Variants in SYNJ1 observed in about 807,000 individuals in gnomAD.
The protein encoded by SYNJ1 is polyphosphatidylinositol phosphatase SYNJ1.
Under a neutral mutation model 168.2 loss-of-function variants are expected in SYNJ1, and 78 were observed. That is an observed-to-expected ratio of 0.46 (90% CI 0.39 to 0.56). The LOEUF (loss-of-function observed/expected upper bound fraction) is 0.56, where lower values mean the gene tolerates loss of function less well. Among genes scored for constraint, SYNJ1 ranks in the 20% least tolerant of loss-of-function variants. SYNJ1 has a pLI of 0.00. For missense variants in SYNJ1, 1,303 were observed against 1,597.6 expected (o/e 0.82, Z 3.14); for synonymous variants, 539 against 548.6 (o/e 0.98, Z 0.24).
At chr21:32,714,186 T>C (rs1326575738) in intron 2 of SYNJ1, among the ~76,000 whole-genome samples, 2 of 152,156 alleles carry the variant, frequency 1.3e-5, no homozygotes, top group Non-Finnish European at 2.9e-5. Flanking sequence ...ATTTGGTACA[T>C]TCAGAACTGA....
At chr21:32,664,315 G>T (rs1039571802) in intron 18 of SYNJ1, among the ~76,000 whole-genome samples, 1 of 152,182 alleles carries the variant, frequency 6.6e-6, no homozygotes, top group Admixed American at 6.5e-5. Context: ...TAAGGGAGGA[G>T]ACCACCCCTC....
chr21:32,670,763 T>G (rs2041153982), intron 14 of SYNJ1: 1 of 978,196 alleles, frequency 1.0e-6, no homozygotes, highest in Non-Finnish European at 1.2e-6. Flanking sequence ...CTACCTCAAA[T>G]TGCTGGTAAC....
rs767634161 is a variant in SYNJ1, at chr21:32,665,083, G to C, written c.2146-12C>G. 5 of 1,570,448 alleles carry C rather than the reference G, an allele frequency of 3.2e-6. No individual in the cohort carries two copies. The highest frequency in any genetic ancestry group is 3.8e-5 in the Admixed American group (2 of 52,066). ...AATAGCATCCTTCCCTGAAAGCAATGAGATAGAATTTTAAATTCAAAACAA... is the reference window on the plus strand; with the variant it reads ...AATAGCATCCTTCCCTGAAAGCAATCAGATAGAATTTTAAATTCAAAACAA... On this transcript the variant is annotated splice_polypyrimidine_tract_variant and intron_variant, in intron 17 of 32. Transcript: ENST00000674351.
At chr21:32,678,523 C>A in intron 12 of SYNJ1, 122 bp downstream of exon 12, 2 of 1,089,806 alleles carry the variant, frequency 1.8e-6, no homozygotes, top group Non-Finnish European at 2.5e-6. Flanking sequence ...TCAAAAATTA[C>A]CTTTACAGAA....
At chr21:32,638,686 G>A (rs956591763) in intron 31 of SYNJ1, among the ~76,000 whole-genome samples, 1 of 151,892 alleles carries the variant, frequency 6.6e-6, no homozygotes, top group Admixed American at 6.6e-5. Context: ...GACAGAGCAA[G>A]ACTTCGTCTT....
intron 21 of SYNJ1, among the ~76,000 whole-genome samples, chr21:32,655,791 T>C (rs1253031199): frequency 3.9e-5 from 6 of 152,200 alleles, no homozygotes; most frequent in Non-Finnish European, 8.8e-5. Flanking sequence ...TGCACATCAT[T>C]CAGTCTCTCA....
At position 32,645,781 on chromosome 21, in the gene SYNJ1, T is replaced by C. The variant is rs2040037496; in HGVS notation, c.3256A>G (p.Ile1086Val). 7 of 1,476,460 alleles carry C rather than the reference T, an allele frequency of 4.7e-6. No homozygotes were observed. The South Asian group carries it at 6.9e-5, about 15-fold the overall frequency. The allele number at this position is 1,476,460 out of a possible 1,614,324, so 91.5% of individuals were successfully genotyped here. A position where few individuals can be genotyped will look rare whatever the true frequency, so the allele number is the denominator to read the frequency against. ...AGCGGCGTTGCTGGCTGCGCGTCAA[T>C]AGGAGAACCTAAAAAGCGCACAGGA... ...PGPPSAQSSP[I>V]DAQPATPLPQ... Residue 1086 changes from isoleucine (I) to valine (V), a missense_variant, in exon 25 of 33, where the codon ATT becomes GTT. Ile to Val is a conservative substitution (Grantham distance 29). Transcript: ENST00000674351.
intron 4 of SYNJ1, 140 bp from the exon 5 acceptor site, chr21:32,695,422 T>C: frequency 2.5e-6 from 2 of 810,960 alleles, no homozygotes. Flanking sequence ...TTACATTTAC[T>C]ATGCTAGGGA....
In SYNJ1 at chr21:32,646,581, G is replaced by T; in HGVS notation, c.3059C>A (p.Ala1020Asp). The T allele has an allele frequency of 6.2e-7, 1 of 1,614,088 alleles. No individual in the cohort carries two copies. Among genetic ancestry groups the T allele is most frequent in the Non-Finnish European group, 8.5e-7 (1 of 1,179,980 alleles). ...DMEGDVDDYS[A>D]EVEELLPQHL... ...CTGAGGAAGAAGTTCCTCCACTTCA[G>T]CACTATAGTCATCAACATCACCTAA... Residue 1020 changes from alanine to aspartate, a missense_variant, in exon 24 of 33, where the codon GCT becomes GAT. Transcript: ENST00000674351.
Position 32,673,528 on chromosome 21 carries a change from G to T in SYNJ1, c.1538C>A (p.Ser513Tyr). Residue 513 changes from serine (S) to tyrosine (Y), a missense_variant, in exon 14 of 33, where the codon TCT becomes TAT. Coordinates refer to ENST00000674351, the MANE Select transcript of SYNJ1 (RefSeq NM_203446.3). ...RVSEQTLQSA[S>Y]SKVLKSMCEN... The stretch of plus-strand genomic sequence containing the variant: ...ACACATGCTCTTTAGTACTTTAGAA[G>T]ATGCTAATCAAGAGAAGACACAATA... 1.2e-6 allele frequency: 2 copies of T among 1,600,876 alleles called. No homozygotes were observed. The highest frequency in any genetic ancestry group is 2.3e-5 in the South Asian group (2 of 88,786).
intron 15 of SYNJ1, 117 bp from the exon 16 acceptor site, chr21:32,666,690 T>TTTATCC: frequency 7.4e-6 from 8 of 1,077,804 alleles, no homozygotes; most frequent in Non-Finnish European, 9.8e-6. Context: ...TGAAGGAAGC[T>TTTATCC]TAGGCTGTTT....
At chr21:32,727,568 A>C (rs2043523273) in intron 1 of SYNJ1, among the ~76,000 whole-genome samples, 1 of 151,868 alleles carries the variant, frequency 6.6e-6, no homozygotes, top group South Asian at 2.1e-4. Flanking sequence ...CACCGACCCG[A>C]CTGGGGCTCC....
chr21:32,703,593 T>C (rs552257838), intron 2 of SYNJ1, among the ~76,000 whole-genome samples: 6 of 152,338 alleles, frequency 3.9e-5, no homozygotes, highest in Admixed American at 6.5e-5. Context: ...ACAAGTTATA[T>C]GCCATATACA....
At chr21:32,718,496 C>A (rs1269136834) in intron 2 of SYNJ1, among the ~76,000 whole-genome samples, 1 of 152,038 alleles carries the variant, frequency 6.6e-6, no homozygotes, top group East Asian at 1.9e-4. Context: ...ATTTTTGCAA[C>A]CCTAACATAA....
At chr21:32,659,787 G>A (rs949362783) in intron 18 of SYNJ1, among the ~76,000 whole-genome samples, 5 of 152,142 alleles carry the variant, frequency 3.3e-5, no homozygotes, top group East Asian at 3.9e-4. Flanking sequence ...TCTACAACTC[G>A]GTGTCTGAGG....
At chr21:32,701,342 C>T (rs2042393150) in intron 3 of SYNJ1, among the ~76,000 whole-genome samples, 1 of 151,916 alleles carries the variant, frequency 6.6e-6, no homozygotes, top group South Asian at 2.1e-4. Context: ...GTTGAGCTGA[C>T]TTTTTTTTCT....
At chr21:32,700,253 GA>G (rs1468342107) in intron 3 of SYNJ1, 148 bp from the exon 4 acceptor site, 2 of 889,266 alleles carry the variant, frequency 2.2e-6, no homozygotes, top group Non-Finnish European at 3.3e-6. Flanking sequence ...CATTTTAGTT[GA>G]AAAAAATCCT....
intron 12 of SYNJ1, among the ~76,000 whole-genome samples, chr21:32,678,144 G>A (rs1381023597): frequency 6.6e-6 from 1 of 152,022 alleles, no homozygotes; most frequent in Non-Finnish European, 1.5e-5. Flanking sequence ...ATAGCAGTTA[G>A]TGCCCAATAA....
intron 2 of SYNJ1, among the ~76,000 whole-genome samples, chr21:32,710,994 A>G (rs2042809416): frequency 6.6e-6 from 1 of 152,260 alleles, no homozygotes; most frequent in Non-Finnish European, 1.5e-5. Context: ...CACAGAAGTT[A>G]GGAAATATTT....
Sources: allele counts gnomAD v4.1 joint callset (sites outside exome capture counted in the v4.1 genomes callset), GRCh38; gene constraint gnomAD v4.1.1; transcripts MANE v1.5; gene names NCBI Gene and HGNC (gene_info 2026-07-23, HGNC 2026-07-21).